Variants in WRN observed in about 807,000 individuals in gnomAD.
The protein encoded by WRN is WRN RecQ like helicase, also known as bifunctional 3'-5' exonuclease/ATP-dependent helicase WRN.
Under a neutral mutation model 180.7 loss-of-function variants are expected in WRN, and 149 were observed. The observed-to-expected ratio is 0.82, with a 90% confidence interval of 0.72 to 0.94. WRN has a LOEUF of 0.94. WRN is among the 40% of genes least tolerant of loss of function. The pLI is 0.00. For synonymous variants in WRN, 548 were observed against 568.9 expected, an observed-to-expected ratio of 0.96 and a Z score of 0.52; for missense variants, 1,661 against 1,700.1, an observed-to-expected ratio of 0.98 and a Z score of 0.40.
chr8:31,102,378 G>C (rs924619499), intron 18 of WRN, among the ~76,000 whole-genome samples: 4 of 152,140 alleles, frequency 2.6e-5, no homozygotes, highest in Non-Finnish European at 5.9e-5. Context: ...GTCATGTGTT[G>C]CCTAACAACA....
chr8:31,154,693 T>A lies in WRN; in HGVS notation c.3757T>A (p.Cys1253Ser), dbSNP rs1217555849. The change falls in exon 32 of 35, where the codon TGC becomes AGC. Residue 1253 changes from cysteine (C) to serine (S), a missense_variant. Physicochemically the swap from Cys to Ser is moderately radical, Grantham distance 112. Coordinates refer to ENST00000298139, the MANE Select transcript of WRN (RefSeq NM_000553.6). ...GAGTCTGGTAGCAAAAAATAAAATA[T>A]GCACACTTTCACAGTCTATGGCCAT... ...KTSLVAKNKI[C>S]TLSQSMAITY... is the part of the protein sequence containing the mutation. 3 of 1,613,658 alleles carry A rather than the reference T, an allele frequency of 1.9e-6. No individual in the cohort carries two copies. The highest frequency in any genetic ancestry group is 1.1e-5 in the South Asian group (1 of 91,078).
intron 18 of WRN, 39 bp downstream of exon 18, chr8:31,100,994 T>C: frequency 1.3e-6 from 2 of 1,546,296 alleles, no homozygotes; most frequent in Non-Finnish European, 1.8e-6. Flanking sequence ...AATTACATTC[T>C]TAATAAGGAG....
chr8:31,084,124 G>A (rs112277625), intron 10 of WRN, among the ~76,000 whole-genome samples: 2,660 of 151,892 alleles, frequency 0.018, no homozygotes, highest in African/African-American at 0.061. Flanking sequence ...TAAGCCTCCC[G>A]AGTAGCTGGG....
chr8:31,076,391 GA>G (rs1191507175), intron 8 of WRN, 104 bp downstream of exon 8: 1 of 1,017,252 alleles, frequency 9.8e-7, no homozygotes, highest in Non-Finnish European at 1.5e-6. Flanking sequence ...CTGACTCATA[GA>G]AATTTGCTTG....
chr8:31,101,511 G>C (rs183606192), intron 18 of WRN, among the ~76,000 whole-genome samples: 24 of 152,136 alleles, frequency 1.6e-4, no homozygotes, highest in African/African-American at 5.3e-4. Flanking sequence ...TTTTGGCCGG[G>C]CATGGTGGCT....
chr8:31,124,333 CT>C (rs1266054774), intron 21 of WRN, among the ~76,000 whole-genome samples, 188 bp from the exon 22 acceptor site: 4 of 151,478 alleles, frequency 2.6e-5, no homozygotes, highest in South Asian at 4.2e-4. Flanking sequence ...AAATGTTTAC[CT>C]CTTGTTGGGG....
intron 17 of WRN, 118 bp downstream of exon 17, chr8:31,096,968 A>T (rs1401752818): frequency 2.1e-6 from 2 of 947,600 alleles, no homozygotes; most frequent in Non-Finnish European, 3.3e-6. Context: ...TACTTCCTCC[A>T]GGAAATCTCT....
Position 31,147,167 on chromosome 8 carries a change from A to G in WRN, c.3459+39A>G, listed in dbSNP as rs1162880676. The G allele has an allele frequency of 3.1e-6, 5 of 1,590,120 alleles. No individual in the cohort carries two copies. In the African/African-American group the frequency reaches 6.7e-5, roughly 21 times the overall value. ...AAAAAGGTAATTAGTTTATGATAGG[A>G]TAGTTATGATTCTATGTATGCTTAA... On this transcript the variant is annotated intron_variant, in intron 29 of 34. Coordinates refer to ENST00000298139, the MANE Select transcript of WRN (RefSeq NM_000553.6).
At chr8:31,118,822 C>T (rs576836404) in intron 20 of WRN, among the ~76,000 whole-genome samples, 1 of 151,738 alleles carries the variant, frequency 6.6e-6, no homozygotes, top group Non-Finnish European at 1.5e-5. Flanking sequence ...TTATTAGTTT[C>T]GTATCTTTTT....
intron 15 of WRN, among the ~76,000 whole-genome samples, chr8:31,091,200 A>C (rs1813736701): frequency 6.6e-6 from 1 of 152,120 alleles, no homozygotes; most frequent in Non-Finnish European, 1.5e-5. Context: ...TTTACATTGA[A>C]TATCTCAAAA....
intron 1 of WRN, among the ~76,000 whole-genome samples, chr8:31,044,577 G>A (rs1050749517): frequency 2.2e-4 from 34 of 151,320 alleles, no homozygotes; most frequent in South Asian, 1.3e-3. Context: ...GGCTGGTCTC[G>A]AACTCTTGAC....
chr8:31,094,237 A>G (rs1174319878), intron 16 of WRN, among the ~76,000 whole-genome samples: 1 of 152,220 alleles, frequency 6.6e-6, no homozygotes, highest in African/African-American at 2.4e-5. Context: ...GGGTTTTGGT[A>G]TAGTAATAAT....
chr8:31,160,756 G>A (rs1221688186), intron 33 of WRN, among the ~76,000 whole-genome samples: 3 of 151,908 alleles, frequency 2.0e-5, no homozygotes, highest in South Asian at 4.2e-4. Context: ...AGGCCGAGGC[G>A]GGCAGGTCAC....
At chr8:31,104,222 C>T (rs927825455) in intron 18 of WRN, among the ~76,000 whole-genome samples, 2 of 152,106 alleles carry the variant, frequency 1.3e-5, no homozygotes, top group South Asian at 2.1e-4. Flanking sequence ...TCCTTGCCAC[C>T]GTTTGTTGTT....
intron 24 of WRN, among the ~76,000 whole-genome samples, 175 bp downstream of exon 24, chr8:31,132,681 G>A (rs948706314): frequency 9.2e-5 from 14 of 152,168 alleles, no homozygotes; most frequent in African/African-American, 3.4e-4. Flanking sequence ...GATAAAACCC[G>A]TGTGTATGGC....
chr8:31,058,787 C>T (rs1812373898), intron 2 of WRN, among the ~76,000 whole-genome samples: 1 of 152,122 alleles, frequency 6.6e-6, no homozygotes, highest in African/African-American at 2.4e-5. Context: ...TGTTCTAGTT[C>T]AGATAATTTA....
chr8:31,060,904 A>G (rs1393974937), intron 3 of WRN, among the ~76,000 whole-genome samples: 1 of 152,156 alleles, frequency 6.6e-6, no homozygotes, highest in Non-Finnish European at 1.5e-5. Flanking sequence ...TTTTGCTACC[A>G]CAGGTTTCCA....
Position 31,141,543 on chromosome 8 carries a change from C to T in WRN, c.3081C>T (p.Phe1027=), listed in dbSNP as rs1802630607. 1 of 1,614,082 alleles carries T rather than the reference C, an allele frequency of 6.2e-7. No individual in the cohort carries two copies. Among genetic ancestry groups the T allele is most frequent in the South Asian group, 1.1e-5 (1 of 91,056 alleles). ...AFSRQLITEG[F]LVEVSRYNKF... ...CCCGTCAGCTGATCACTGAGGGATT[C>T]TTGGTAGAAGTTTCTCGGTATAACA... Residue 1027 remains phenylalanine (F), a synonymous_variant, in exon 25 of 35, where the codon TTC becomes TTT. Transcript: ENST00000298139.
intron 7 of WRN, among the ~76,000 whole-genome samples, chr8:31,070,682 A>G (rs1812881978): frequency 6.6e-6 from 1 of 152,080 alleles, no homozygotes; most frequent in African/African-American, 2.4e-5. Flanking sequence ...CATCTGACAC[A>G]TTGGGGGAAA....
Sources: gnomAD v4.1 joint callset for allele counts (sites outside exome capture counted in the v4.1 genomes callset) on GRCh38, gnomAD v4.1.1 for gene constraint, MANE v1.5 for transcripts, NCBI Gene and HGNC (gene_info 2026-07-23, HGNC 2026-07-21) for gene names.